The following ZDHHC17 variants were observed in gnomAD, a reference collection of about 807,000 sequenced individuals.
The protein encoded by ZDHHC17 is zDHHC palmitoyltransferase 17, also known as palmitoyltransferase ZDHHC17.
ZDHHC17 carries 40 observed loss-of-function variants against 90.3 expected under a neutral mutation model. The observed-to-expected ratio is 0.44, with a 90% CI of 0.34 to 0.58. The LOEUF (loss-of-function observed/expected upper bound fraction) is 0.58, where lower values mean the gene tolerates loss of function less well. Ranked by LOEUF, ZDHHC17 falls within the 20% of genes least tolerant of loss-of-function variation. ZDHHC17 has a pLI of 0.01. For missense variants in ZDHHC17, 614 were observed against 780.8 expected (o/e 0.79, Z 2.55); for synonymous variants, 235 against 252.4 (o/e 0.93, Z 0.65).
At chr12:76,799,764 G>A (rs1952864679) in intron 2 of ZDHHC17, among the ~76,000 whole-genome samples, 1 of 152,186 alleles carries the variant, frequency 6.6e-6, no homozygotes, top group African/African-American at 2.4e-5. Flanking sequence ...TCTTTTGTAG[G>A]TTTGTTTGTT....
At chr12:76,844,133 G>A (rs58450212) in intron 12 of ZDHHC17, 1 of 152,294 alleles carries the variant, frequency 6.6e-6, no homozygotes, top group East Asian at 1.9e-4. Flanking sequence ...CAGTGCTGAT[G>A]TACTTGCCAT....
chr12:76,766,800 A>G, intron 1 of ZDHHC17, among the ~76,000 whole-genome samples: 1 of 147,016 alleles, frequency 6.8e-6, no homozygotes, highest in Non-Finnish European at 1.5e-5. Context: ...TGAGAGAATC[A>G]CTTGAGCCCA....
chr12:76,841,175 G>A (rs1160097447), intron 10 of ZDHHC17: 1 of 152,066 alleles, frequency 6.6e-6, no homozygotes, highest in Non-Finnish European at 1.5e-5. Context: ...TGAGTGTTCT[G>A]GTATTTTCCA....
chr12:76,852,601 G>A lies in ZDHHC17; in HGVS notation c.*1616G>A, dbSNP rs1953579517. ...AGATTACAGGTATTAAAGCAATCTA[G>A]TGGTATACCCGCCCCTTGCCTTAGT... On this transcript the variant is annotated 3_prime_UTR_variant, in exon 17 of 17. Coordinates refer to ENST00000426126, the MANE Select transcript of ZDHHC17 (RefSeq NM_015336.4). 1 of 152,610 alleles carries A rather than the reference G, an allele frequency of 6.6e-6. No individual in the cohort carries two copies. The highest frequency in any genetic ancestry group is 2.1e-4 in the South Asian group (1 of 4,826). The allele number at this position is 152,610 out of a possible 1,614,324, so 9.5% of individuals were successfully genotyped here. A position where few individuals can be genotyped will look rare whatever the true frequency, so the allele number is the denominator to read the frequency against.
At chr12:76,797,356 G>A (rs1403522455) in intron 1 of ZDHHC17, 78 bp from the exon 2 acceptor site, 4 of 911,176 alleles carry the variant, frequency 4.4e-6, no homozygotes, top group Admixed American at 3.1e-5. Flanking sequence ...CAACACAAAA[G>A]CACTACTATA....
chr12:76,775,795 A>C (rs1216319425), intron 1 of ZDHHC17, among the ~76,000 whole-genome samples: 2 of 152,152 alleles, frequency 1.3e-5, no homozygotes, highest in African/African-American at 4.8e-5. Context: ...ATTTTAAGAG[A>C]GCATGTACAC....
intron 1 of ZDHHC17, among the ~76,000 whole-genome samples, chr12:76,775,454 T>C (rs1314937998): frequency 6.6e-6 from 1 of 152,218 alleles, no homozygotes; most frequent in Admixed American, 6.5e-5. Context: ...GAACAAGTTT[T>C]AGCAATACAG....
intron 2 of ZDHHC17, among the ~76,000 whole-genome samples, chr12:76,801,220 T>TC (rs1364906234): frequency 2.6e-5 from 4 of 151,380 alleles, no homozygotes; most frequent in Middle Eastern, 3.4e-3. Context: ...TAGCTTTTTT[T>TC]CCCTCTCATT....
intron 1 of ZDHHC17, among the ~76,000 whole-genome samples, chr12:76,771,109 T>C (rs891678104): frequency 6.6e-5 from 10 of 152,160 alleles, no homozygotes; most frequent in African/African-American, 2.4e-4. Flanking sequence ...AAATCAAATA[T>C]TTTAATTTTG....
chr12:76,825,468 A>G (rs1023822588), intron 8 of ZDHHC17, among the ~76,000 whole-genome samples: 7 of 152,300 alleles, frequency 4.6e-5, no homozygotes, highest in East Asian at 1.9e-4. Context: ...ATGTACCCAT[A>G]CACTCTCTGT....
intron 8 of ZDHHC17, among the ~76,000 whole-genome samples, chr12:76,824,385 G>A (rs1953205890): frequency 6.6e-6 from 1 of 151,808 alleles, no homozygotes; most frequent in South Asian, 2.1e-4. Context: ...GATATTTAAA[G>A]GTTGAAAGTA....
intron 8 of ZDHHC17, 46 bp from the exon 9 acceptor site, chr12:76,826,862 T>G (rs1437206817): frequency 4.4e-5 from 65 of 1,479,354 alleles, no homozygotes; most frequent in Non-Finnish European, 5.8e-5. Context: ...AGATTGAGAT[T>G]ACTTGAAACA....
chr12:76,798,289 C>T (rs11835511), intron 2 of ZDHHC17, among the ~76,000 whole-genome samples: 2 of 152,026 alleles, frequency 1.3e-5, no homozygotes, highest in African/African-American at 4.8e-5. Flanking sequence ...TATCAGTCTT[C>T]GAGATAGGCA....
At chr12:76,772,430 T>C (rs1167145897) in intron 1 of ZDHHC17, among the ~76,000 whole-genome samples, 1 of 152,142 alleles carries the variant, frequency 6.6e-6, no homozygotes, top group Non-Finnish European at 1.5e-5. Flanking sequence ...GTGGTACACT[T>C]GTTATGGTAG....
At chr12:76,767,844 G>T (rs561845755) in intron 1 of ZDHHC17, among the ~76,000 whole-genome samples, 1 of 152,008 alleles carries the variant, frequency 6.6e-6, no homozygotes, top group African/African-American at 2.4e-5. Flanking sequence ...GCTTGAACCC[G>T]GGAGGTGGAG....
chr12:76,819,993 TAAAAAAAAAAAA>T (rs71085459), intron 7 of ZDHHC17, among the ~76,000 whole-genome samples: 16 of 140,784 alleles, frequency 1.1e-4, no homozygotes, highest in Non-Finnish European at 3.1e-5. Flanking sequence ...AACTATGTCT[TAAAAAAAAAAAA>T]AAAAAAAAGA....
At chr12:76,840,898 G>A (rs1196380459) in intron 10 of ZDHHC17, 3 of 152,106 alleles carry the variant, frequency 2.0e-5, no homozygotes, top group East Asian at 3.9e-4. Context: ...TTCAAAACTT[G>A]TGATAAATAA....
intron 1 of ZDHHC17, among the ~76,000 whole-genome samples, chr12:76,786,239 A>C (rs1002211974): frequency 2.6e-5 from 4 of 151,554 alleles, no homozygotes; most frequent in African/African-American, 9.7e-5. Context: ...AGTTGCTGGG[A>C]TTACAGGTGT....
intron 6 of ZDHHC17, 65 bp downstream of exon 6, chr12:76,815,275 G>A: frequency 8.6e-7 from 1 of 1,165,750 alleles, no homozygotes; most frequent in South Asian, 1.5e-5. Context: ...AAGTAAGAGA[G>A]AGGAAAAAGC....
Sources: allele counts gnomAD v4.1 joint callset (sites outside exome capture counted in the v4.1 genomes callset), GRCh38; gene constraint gnomAD v4.1.1; transcripts MANE v1.5; gene names NCBI Gene and HGNC (gene_info 2026-07-23, HGNC 2026-07-21).